The following ARFGEF1 variants were observed in gnomAD, a reference collection of about 807,000 sequenced individuals.
ARFGEF1 encodes ARF guanine nucleotide exchange factor 1.
In ARFGEF1, 42 loss-of-function variants were observed where a neutral mutation model predicts 231.0. That is an observed-to-expected ratio of 0.18 (90% CI 0.14 to 0.24). The LOEUF (loss-of-function observed/expected upper bound fraction) is 0.24. ARFGEF1 is among the 10% of genes least tolerant of loss of function. The pLI is 1.00. For missense variants in ARFGEF1, 1,345 were observed against 2,192.0 expected, an observed-to-expected ratio of 0.61 and a Z score of 7.72; for synonymous variants, 710 against 732.3, an observed-to-expected ratio of 0.97 and a Z score of 0.49.
chr8:67,239,209 T>G (rs188974811), intron 20 of ARFGEF1, among the ~76,000 whole-genome samples: 2 of 151,934 alleles, frequency 1.3e-5, no homozygotes, highest in Non-Finnish European at 2.9e-5. Flanking sequence ...GGTTTCACCA[T>G]GTTGGCCAGG....
At chr8:67,341,822 C>T (rs576457442) in intron 1 of ARFGEF1, among the ~76,000 whole-genome samples, 32 of 152,188 alleles carry the variant, frequency 2.1e-4, no homozygotes, top group African/African-American at 7.0e-4. Context: ...CTTTTGTTAG[C>T]TACAAAAATA....
At chr8:67,202,451 G>A (rs576517628) in intron 36 of ARFGEF1, among the ~76,000 whole-genome samples, 1 of 152,112 alleles carries the variant, frequency 6.6e-6, no homozygotes, top group Admixed American at 6.5e-5. Flanking sequence ...TAGAGACAGG[G>A]TCTTGCTATG....
rs775795405 is a variant in ARFGEF1, at chr8:67,276,035, T to C, written c.1278A>G (p.Val426=). 8.1e-6 allele frequency: 13 copies of C among 1,613,534 alleles called. No individual in the cohort carries two copies. The East Asian group carries it at 2.5e-4, about 30-fold the overall frequency. Residue 426 remains valine (V), a synonymous_variant, in exon 9 of 39, where the codon GTA becomes GTG. Coordinates refer to ENST00000262215, the MANE Select transcript of ARFGEF1 (RefSeq NM_006421.5). ...SHILQKDAFL[V]FRSLCKLSMK... Reference sequence around the variant, plus strand: ...TTGACAGTTTACACAATGACCTGAATACTAGAAAGGCATCCTTTTGTAAAA... The same window carrying C: ...TTGACAGTTTACACAATGACCTGAACACTAGAAAGGCATCCTTTTGTAAAA...
rs374279928 is a variant in ARFGEF1 at position 67,205,287 on chromosome 8, G to A, written c.4820-468C>T. Among the ~76,000 whole-genome samples the A allele has an allele frequency of 7.7e-4, 117 of 152,316 alleles. 1 individual carries two copies. Among genetic ancestry groups the A allele is most frequent in the African/African-American group, 2.6e-3 (110 of 41,564 alleles). ...GCCTCCTGGAAAGCTTCCTGCCAAA[G>A]CTGCCCTGAGAATCTGGGATGGAGG... On this transcript the variant is annotated intron_variant, in intron 34 of 38. Transcript: ENST00000262215.
rs200818572 is a variant in ARFGEF1 at position 67,317,606 on chromosome 8, AT to A, written c.125-15141del. On this transcript the variant is annotated intron_variant, in intron 1 of 38. Coordinates refer to ENST00000262215, the MANE Select transcript of ARFGEF1 (RefSeq NM_006421.5). ...TTTATTCTAAAGACACAGAACTAAT[AT>A]TTAAAAAAAAAAAAAAAAAAAGGTT... is the stretch of plus-strand genomic sequence containing the variant. Among the ~76,000 whole-genome samples, 259 of 144,710 alleles carry A rather than the reference AT, an allele frequency of 1.8e-3. 11 individuals are homozygous for A. In the South Asian group the frequency reaches 0.024, roughly 14 times the overall value. The allele number at this position is 144,710 out of a possible 152,430, so 94.9% of individuals were successfully genotyped here.
At chr8:67,268,429 C>A (rs1457135685) in intron 10 of ARFGEF1, among the ~76,000 whole-genome samples, 9 of 152,170 alleles carry the variant, frequency 5.9e-5, no homozygotes, top group Admixed American at 5.9e-4. Context: ...AATGCTGTAG[C>A]AAACTCATGA....
At chr8:67,191,366 A>T (rs957605470) in intron 5 of ARFGEF1, among the ~76,000 whole-genome samples, 20 of 152,356 alleles carry the variant, frequency 1.3e-4, no homozygotes, top group Middle Eastern at 3.4e-3. Flanking sequence ...CACTGAGCCA[A>T]GTATGCAGAG....
chr8:67,254,697 G>C (rs1339978341), intron 17 of ARFGEF1, among the ~76,000 whole-genome samples: 1 of 152,052 alleles, frequency 6.6e-6, no homozygotes, highest in African/African-American at 2.4e-5. Context: ...AAAACTTTCA[G>C]AAAATGTAAC....
chr8:67,229,788 A>G (rs1839497289), intron 23 of ARFGEF1, among the ~76,000 whole-genome samples: 1 of 152,116 alleles, frequency 6.6e-6, no homozygotes, highest in East Asian at 1.9e-4. Flanking sequence ...CCATGAATAC[A>G]GTCAAAAGTA....
intron 5 of ARFGEF1, among the ~76,000 whole-genome samples, chr8:67,189,545 C>T (rs1835617939): frequency 6.6e-6 from 1 of 152,112 alleles, no homozygotes. Context: ...TTTTAAAAAC[C>T]CATACAGTAT....
chr8:67,265,852 T>C (rs1470738255), intron 14 of ARFGEF1, among the ~76,000 whole-genome samples, 154 bp downstream of exon 14: 1 of 152,062 alleles, frequency 6.6e-6, no homozygotes, highest in Non-Finnish European at 1.5e-5. Context: ...TAGACTGCAA[T>C]GAACAAGGGG....
intron 1 of ARFGEF1, among the ~76,000 whole-genome samples, chr8:67,311,270 C>T (rs1441056114): frequency 1.6e-4 from 22 of 136,852 alleles, no homozygotes; most frequent in African/African-American, 1.9e-4. Context: ...GCCAGCCGCC[C>T]CGTCCGGGAG....
intron 19 of ARFGEF1, among the ~76,000 whole-genome samples, chr8:67,249,027 T>C (rs1018075080): frequency 6.7e-6 from 1 of 150,358 alleles, no homozygotes; most frequent in African/African-American, 2.5e-5. Context: ...CAGGAATATA[T>C]CATTCATTCC....
rs747000970 is a variant in ARFGEF1, at chr8:67,200,388, A to G, written c.5385+8T>C. 2.0e-6 allele frequency: 3 copies of G among 1,532,744 alleles called. No homozygotes were observed. Among genetic ancestry groups the G allele is most frequent in the Admixed American group, 1.7e-5 (1 of 59,870 alleles). 94.9% of individuals were successfully genotyped at this position (1,532,744 alleles called of 1,614,324 possible). ...AATGTGGGGCTGGATTCGAAGCCTC[A>G]TACTTACCCTATTATCACTTATCTT... On this transcript the variant is annotated splice_region_variant and intron_variant, in intron 38 of 38. Transcript: ENST00000262215.
chr8:67,203,393 G>A (rs564844898), intron 35 of ARFGEF1, 142 bp from the exon 36 acceptor site: 51 of 951,022 alleles, frequency 5.4e-5, no homozygotes, highest in Admixed American at 3.7e-4. Context: ...AGTAAGGGAA[G>A]GTCCACCTTC....
intron 33 of ARFGEF1, among the ~76,000 whole-genome samples, chr8:67,214,506 G>A (rs200409565): frequency 6.6e-6 from 1 of 152,194 alleles, no homozygotes. Context: ...TGTGCCTATC[G>A]AGATTGAAAA....
chr8:67,182,864 A>G (rs553329070), intron 5 of ARFGEF1, among the ~76,000 whole-genome samples: 3 of 152,308 alleles, frequency 2.0e-5, no homozygotes, highest in East Asian at 3.9e-4. Flanking sequence ...GTTCTTTATT[A>G]TCTATTCTGG....
intron 29 of ARFGEF1, among the ~76,000 whole-genome samples, chr8:67,220,255 C>G (rs1277545867): frequency 6.6e-6 from 1 of 152,210 alleles, no homozygotes. Context: ...TGAAATAATA[C>G]TTTTATGTAA....
At chr8:67,328,844 AAAG>A (rs1381808023) in intron 1 of ARFGEF1, among the ~76,000 whole-genome samples, 3 of 152,222 alleles carry the variant, frequency 2.0e-5, no homozygotes, top group African/African-American at 2.4e-5. Context: ...GAGGGTTTGA[AAAG>A]AAGGAGAAAG....
Sources: allele counts gnomAD v4.1 joint callset (sites outside exome capture counted in the v4.1 genomes callset), GRCh38; gene constraint gnomAD v4.1.1; transcripts MANE v1.5; gene names NCBI Gene and HGNC (gene_info 2026-07-23, HGNC 2026-07-21).